FAT4: variants seen among roughly 807,000 people sequenced by gnomAD.
The protein encoded by FAT4 is FAT atypical cadherin 4.
In FAT4, 84 loss-of-function variants were observed where a neutral mutation model predicts 303.9. The ratio of observed to expected loss-of-function variants is 0.28; its 90% CI spans 0.23 to 0.33. FAT4 has a LOEUF of 0.33. FAT4 is among the 10% of genes least tolerant of loss of function. The pLI, the probability that FAT4 is intolerant of heterozygous loss-of-function variation, is 1.00. For missense variants in FAT4, 6,005 were observed against 6,146.8 expected (o/e 0.98, Z 0.77); for synonymous variants, 2,307 against 2,298.8 (o/e 1.00, Z -0.10).
intron 16 of FAT4, among the ~76,000 whole-genome samples, chr4:125,482,735 T>A (rs1436748518): frequency 6.6e-6 from 1 of 152,176 alleles, no homozygotes; most frequent in Non-Finnish European, 1.5e-5. Flanking sequence ...TTGGTTTAAT[T>A]CACATATAAT....
rs1005036399 is a variant in FAT4 at position 125,315,701 on chromosome 4, TC to T, written c.-286del. Among the ~76,000 whole-genome samples, 2 of 152,064 alleles carry T rather than the reference TC, an allele frequency of 1.3e-5. No homozygotes were observed. The highest frequency in any genetic ancestry group is 4.8e-5 in the African/African-American group (2 of 41,426). On this transcript the variant is annotated 5_prime_UTR_variant, in exon 1 of 18. Transcript: ENST00000394329. ...GAGGGGAAGGGGCAGAGTTGAGCGC[TC>T]CCGGGTACGGGAGCCAGAGCGCGAA...
chr4:125,433,276 T>A (rs769455571), intron 7 of FAT4, among the ~76,000 whole-genome samples: 1 of 152,224 alleles, frequency 6.6e-6, no homozygotes, highest in Non-Finnish European at 1.5e-5. Flanking sequence ...AATTTAAATG[T>A]CATATTAAGG....
intron 2 of FAT4, among the ~76,000 whole-genome samples, chr4:125,362,312 G>A (rs1196814489): frequency 6.6e-6 from 1 of 152,040 alleles, no homozygotes; most frequent in East Asian, 1.9e-4. Context: ...AATAGATTGA[G>A]GGCAAGCATC....
intron 2 of FAT4, among the ~76,000 whole-genome samples, chr4:125,356,899 T>G (rs1732451067): frequency 6.6e-6 from 1 of 151,828 alleles, no homozygotes; most frequent in Non-Finnish European, 1.5e-5. Flanking sequence ...CACATTGCAT[T>G]AAATCTCCAC....
intron 11 of FAT4, among the ~76,000 whole-genome samples, chr4:125,465,519 A>G (rs2390841): frequency 0.99 from 151,212 of 152,236 alleles, 75,103 homozygotes; most frequent in Middle Eastern, 1. Context: ...TGCAAATTTT[A>G]AGGATTTAAG....
intron 2 of FAT4, among the ~76,000 whole-genome samples, chr4:125,335,735 T>A (rs1445937951): frequency 6.6e-6 from 1 of 152,042 alleles, no homozygotes; most frequent in African/African-American, 2.4e-5. Flanking sequence ...GGTGAAATAT[T>A]AAAATAAATA....
At chr4:125,339,933 A>G (rs1252052371) in intron 2 of FAT4, among the ~76,000 whole-genome samples, 1 of 152,148 alleles carries the variant, frequency 6.6e-6, no homozygotes, top group African/African-American at 2.4e-5. Flanking sequence ...TAATTGTATA[A>G]TTGTATATGT....
chr4:125,421,309 T>G (rs1044804589), intron 7 of FAT4, among the ~76,000 whole-genome samples: 4 of 152,222 alleles, frequency 2.6e-5, no homozygotes, highest in Admixed American at 2.0e-4. Flanking sequence ...CTAAGCACTT[T>G]CTAAGCACAC....
rs1726076147 is a variant in FAT4, at chr4:125,451,597, G to T, written c.10587G>T (p.Val3529=). ...AAAACAAACGGCCAGGCACTTTGGT[G>T]ATGACCCTTCAGTCCACTGACCCTG... is the stretch of plus-strand genomic sequence containing the variant. ...VMENKRPGTL[V]MTLQSTDPDL... is the part of the protein sequence containing the mutation. Residue 3529 remains valine (V), a synonymous_variant, in exon 10 of 18, where the codon GTG becomes GTT. Transcript: ENST00000394329. The T allele has an allele frequency of 6.2e-7, 1 of 1,614,000 alleles. No homozygotes were observed. Among genetic ancestry groups the T allele is most frequent in the Non-Finnish European group, 8.5e-7 (1 of 1,180,024 alleles).
chr4:125,347,426 T>G (rs1443275059), intron 2 of FAT4, among the ~76,000 whole-genome samples: 1 of 151,318 alleles, frequency 6.6e-6, no homozygotes, highest in Non-Finnish European at 1.5e-5. Flanking sequence ...GGAAAAATAG[T>G]TTTCTAGAAC....
At chr4:125,330,626 T>C (rs2125957156) in intron 2 of FAT4, among the ~76,000 whole-genome samples, 1 of 152,344 alleles carries the variant, frequency 6.6e-6, no homozygotes, top group East Asian at 1.9e-4. Flanking sequence ...GCTATGTTCC[T>C]TAACATATCT....
chr4:125,349,217 T>C (rs1221335181), intron 2 of FAT4, among the ~76,000 whole-genome samples: 3 of 151,818 alleles, frequency 2.0e-5, no homozygotes, highest in Non-Finnish European at 4.4e-5. Flanking sequence ...AATTTTCCAG[T>C]ATATTAAAAC....
chr4:125,343,423 C>A (rs775808481), intron 2 of FAT4, among the ~76,000 whole-genome samples: 2 of 152,140 alleles, frequency 1.3e-5, no homozygotes, highest in Admixed American at 1.3e-4. Context: ...ATGTTACCAG[C>A]CATTTAATCT....
rs1205411184 is a variant in FAT4, at chr4:125,461,955, C to G, written c.11801-1608C>G. 2.0e-5 allele frequency among the ~76,000 whole-genome samples: 3 copies of G among 152,126 alleles called. No homozygotes were observed. The East Asian group carries it at 5.8e-4, about 29-fold the overall frequency. ...CTGCCTATTTCTCCAATGTAGTACA[C>G]TGCTACAATACTTAAAACCTGATTT... On this transcript the variant is annotated intron_variant, in intron 10 of 17. Transcript: ENST00000394329.
intron 12 of FAT4, among the ~76,000 whole-genome samples, chr4:125,474,586 T>C (rs1207857646): frequency 2.0e-5 from 3 of 151,996 alleles, no homozygotes; most frequent in African/African-American, 7.2e-5. Flanking sequence ...GTTTACTGTA[T>C]AGAGCTTATA....
At position 125,450,430 on chromosome 4, in the gene FAT4, A is replaced by G. The variant is rs570589133; in HGVS notation, c.9420A>G (p.Ala3140=). 2 of 1,614,094 alleles carry G rather than the reference A, an allele frequency of 1.2e-6. No homozygotes were observed. The highest frequency in any genetic ancestry group is 1.7e-5 in the Admixed American group (1 of 60,014). The change falls in exon 10 of 18, where the codon GCA becomes GCG. Residue 3140 remains alanine (A), a synonymous_variant. Transcript: ENST00000394329. ...ISSGNEEGIF[A]INSSTGILTL... is the part of the protein sequence containing the mutation. ...CAGGAAATGAAGAAGGCATTTTTGC[A>G]ATCAATTCTTCTACAGGTATATTAA...
intron 2 of FAT4, among the ~76,000 whole-genome samples, chr4:125,368,683 A>G (rs769603725): frequency 1.3e-5 from 2 of 152,004 alleles, no homozygotes; most frequent in African/African-American, 2.4e-5. Flanking sequence ...ACATCTGGCA[A>G]TGCCTTAGAT....
At chr4:125,435,871 T>A (rs2126045430) in intron 8 of FAT4, among the ~76,000 whole-genome samples, 1 of 152,166 alleles carries the variant, frequency 6.6e-6, no homozygotes, top group Non-Finnish European at 1.5e-5. Context: ...TGAGAGAGGA[T>A]TTACGGAGAG....
Position 125,449,241 on chromosome 4 carries a change from C to T in FAT4, c.8231C>T (p.Thr2744Ile), listed in dbSNP as rs759455125. ...DREKVSHYVL[T>I]IKSSDKGSPS... is the part of the protein sequence containing the mutation. ...GAAAAAGTATCTCATTATGTCCTAACCATAAAATCATCAGACAAAGGGTCC... is the reference window on the plus strand; with the variant it reads ...GAAAAAGTATCTCATTATGTCCTAATCATAAAATCATCAGACAAAGGGTCC... The change falls in exon 10 of 18, where the codon ACC becomes ATC. Residue 2744 changes from threonine (T) to isoleucine (I), a missense_variant. Coordinates refer to ENST00000394329, the MANE Select transcript of FAT4 (RefSeq NM_001291303.3). 50 of 1,613,732 alleles carry T rather than the reference C, an allele frequency of 3.1e-5. No homozygotes were observed. The highest frequency in any genetic ancestry group is 3.8e-5 in the Non-Finnish European group (45 of 1,179,886).
Sources: gnomAD v4.1 joint callset for allele counts (sites outside exome capture counted in the v4.1 genomes callset) on GRCh38, gnomAD v4.1.1 for gene constraint, MANE v1.5 for transcripts, NCBI Gene and HGNC (gene_info 2026-07-23, HGNC 2026-07-21) for gene names.